The following PTPRD variants were observed in gnomAD, a reference collection of about 807,000 sequenced individuals.
PTPRD encodes the protein protein tyrosine phosphatase receptor type D, also known as receptor-type tyrosine-protein phosphatase delta.
A neutral mutation model predicts 214.5 loss-of-function variants in PTPRD; 34 were observed. That is an observed-to-expected ratio of 0.16 (90% CI 0.12 to 0.21). The LOEUF is 0.21. PTPRD is among the 10% of genes least tolerant of loss of function. The probability of loss-of-function intolerance (pLI) is 1.00; values close to 1 mark genes in which losing one functional copy is unlikely to be tolerated. For synonymous variants in PTPRD, 1,128 were observed against 845.7 expected, an observed-to-expected ratio of 1.33 and a Z score of -5.79; for missense variants, 2,545 against 2,398.7, an observed-to-expected ratio of 1.06 and a Z score of -1.27.
At chr9:9,035,567 C>T (rs143971603) in intron 10 of PTPRD, among the ~76,000 whole-genome samples, 13 of 151,994 alleles carry the variant, frequency 8.6e-5, no homozygotes, top group Admixed American at 3.9e-4. Flanking sequence ...CAACCCCACC[C>T]GCTTCCTCTC....
chr9:9,064,392 A>G (rs550184905), intron 10 of PTPRD, among the ~76,000 whole-genome samples: 3 of 152,236 alleles, frequency 2.0e-5, no homozygotes, highest in Admixed American at 2.0e-4. Context: ...GTTATATTTT[A>G]TGTAGTCAGA....
intron 12 of PTPRD, among the ~76,000 whole-genome samples, chr9:8,645,498 T>C (rs1174457128): frequency 6.6e-6 from 1 of 152,198 alleles, no homozygotes; most frequent in African/African-American, 2.4e-5. Context: ...TACCATTAAT[T>C]TTATTTAGGC....
chr9:8,777,779 G>A (rs9299072), intron 11 of PTPRD, among the ~76,000 whole-genome samples: 3 of 151,994 alleles, frequency 2.0e-5, no homozygotes, highest in East Asian at 1.9e-4. Context: ...TATATTCATT[G>A]TACCAAAGAT....
intron 3 of PTPRD, among the ~76,000 whole-genome samples, chr9:10,232,601 G>A (rs1329725961): frequency 6.6e-6 from 1 of 151,982 alleles, no homozygotes; most frequent in African/African-American, 2.4e-5. Context: ...CATCTCCAGA[G>A]TCTTGTAATT....
chr9:9,623,283 A>G (rs2095310135), intron 7 of PTPRD, among the ~76,000 whole-genome samples: 1 of 152,188 alleles, frequency 6.6e-6, no homozygotes, highest in South Asian at 2.1e-4. Context: ...GTTTTGCACA[A>G]TGAGGATGTT....
chr9:9,767,151 A>G (rs2098713639), intron 5 of PTPRD, among the ~76,000 whole-genome samples: 1 of 152,074 alleles, frequency 6.6e-6, no homozygotes, highest in Admixed American at 6.6e-5. Flanking sequence ...GAAAGAACAT[A>G]TACAGATATC....
chr9:8,746,544 A>G (rs1157860922), intron 11 of PTPRD, among the ~76,000 whole-genome samples: 1 of 152,224 alleles, frequency 6.6e-6, no homozygotes, highest in South Asian at 2.1e-4. Context: ...CACAATATGG[A>G]TATCAAAAAG....
At chr9:10,038,794 T>C (rs570894361) in intron 3 of PTPRD, among the ~76,000 whole-genome samples, 2 of 152,214 alleles carry the variant, frequency 1.3e-5, no homozygotes, top group African/African-American at 4.8e-5. Context: ...CTCTAGATTA[T>C]GGGTATAAAA....
chr9:8,326,086 G>C (rs527402451), intron 44 of PTPRD, among the ~76,000 whole-genome samples: 4 of 152,240 alleles, frequency 2.6e-5, no homozygotes, highest in African/African-American at 9.6e-5. Context: ...GACTGCCTTG[G>C]CCAGAACTTC....
At position 9,043,468 on chromosome 9, in the gene PTPRD, T is replaced by G. The variant is rs552377835; in HGVS notation, c.-142-24733A>C. 2.6e-5 allele frequency among the ~76,000 whole-genome samples: 4 copies of G among 152,308 alleles called. No individual in the cohort carries two copies. The South Asian group carries it at 8.3e-4, about 32-fold the overall frequency. The stretch of plus-strand genomic sequence containing the variant: ...CGAGGTCACCATAACCTTTTCTGTT[T>G]TGTCCTTCAGTTCTGCTAAGGGAAA... On this transcript the variant is annotated intron_variant, in intron 10 of 45. Transcript: ENST00000381196.
At chr9:10,194,341 TATATAGAGAGAGAGAG>T (rs1230276632) in intron 3 of PTPRD, among the ~76,000 whole-genome samples, 447 of 58,804 alleles carry the variant, frequency 7.6e-3, no homozygotes, top group African/African-American at 9.9e-3. Flanking sequence ...TATATATATA[TATATAGAGAGAGAGAG>T]AGAGAGAGAG....
At chr9:9,129,659 C>T (rs2099839566) in intron 10 of PTPRD, among the ~76,000 whole-genome samples, 1 of 152,196 alleles carries the variant, frequency 6.6e-6, no homozygotes, top group East Asian at 1.9e-4. Context: ...AGATACCTTA[C>T]ATCTAACAAA....
At chr9:8,451,241 T>C (rs1449120489) in intron 33 of PTPRD, among the ~76,000 whole-genome samples, 1 of 152,214 alleles carries the variant, frequency 6.6e-6, no homozygotes, top group Non-Finnish European at 1.5e-5. Context: ...GGCTAAGTCC[T>C]ATTAGACATG....
intron 5 of PTPRD, among the ~76,000 whole-genome samples, chr9:9,937,427 A>T (rs1038653425): frequency 3.6e-4 from 16 of 43,902 alleles, no homozygotes; most frequent in Non-Finnish European, 1.6e-4. Flanking sequence ...ATAGATAAAT[A>T]AAAAAAAAAA....
At chr9:8,335,591 G>T (rs921932634) in intron 43 of PTPRD, among the ~76,000 whole-genome samples, 1 of 152,170 alleles carries the variant, frequency 6.6e-6, no homozygotes. Flanking sequence ...ACAAGACAGG[G>T]ATGCCCTCTC....
At chr9:8,578,081 C>T (rs188641259) in intron 14 of PTPRD, among the ~76,000 whole-genome samples, 1 of 152,246 alleles carries the variant, frequency 6.6e-6, no homozygotes, top group African/African-American at 2.4e-5. Context: ...TTTCATTGCG[C>T]TTTATACAGA....
chr9:9,623,851 A>G (rs1323322861), intron 7 of PTPRD, among the ~76,000 whole-genome samples: 1 of 152,222 alleles, frequency 6.6e-6, no homozygotes, highest in Non-Finnish European at 1.5e-5. Flanking sequence ...TCTTACAACT[A>G]TTCTACAATA....
At chr9:8,373,940 T>C (rs1361828759) in intron 39 of PTPRD, among the ~76,000 whole-genome samples, 1 of 150,242 alleles carries the variant, frequency 6.7e-6, no homozygotes, top group African/African-American at 2.5e-5. Flanking sequence ...CTCAGTTTTC[T>C]AGTGCCTCCA....
At chr9:9,954,491 A>T in intron 4 of PTPRD, among the ~76,000 whole-genome samples, 1 of 151,960 alleles carries the variant, frequency 6.6e-6, no homozygotes, top group Non-Finnish European at 1.5e-5. Flanking sequence ...TATTAATAAG[A>T]ACATTACTTA....
Sources: allele counts gnomAD v4.1 joint callset (sites outside exome capture counted in the v4.1 genomes callset), GRCh38; gene constraint gnomAD v4.1.1; transcripts MANE v1.5; gene names NCBI Gene and HGNC (gene_info 2026-07-23, HGNC 2026-07-21).